Variants in GRIP1 observed in about 807,000 individuals in gnomAD.
GRIP1 encodes glutamate receptor-interacting protein 1.
A neutral mutation model predicts 129.9 loss-of-function variants in GRIP1; 45 were observed. The ratio of observed to expected loss-of-function variants is 0.35; its 90% CI spans 0.27 to 0.44. GRIP1 has a LOEUF of 0.44. Among genes scored for constraint, GRIP1 ranks in the 20% least tolerant of loss-of-function variants. The probability of loss-of-function intolerance (pLI) is 1.00; values close to 1 mark genes in which losing one functional copy is unlikely to be tolerated. For synonymous variants in GRIP1, 530 were observed against 520.8 expected, an observed-to-expected ratio of 1.02 and a Z score of -0.24; for missense variants, 1,196 against 1,396.8, an observed-to-expected ratio of 0.86 and a Z score of 2.29.
At chr12:66,880,558 C>A (rs941014956) in intron 1 of GRIP1, among the ~76,000 whole-genome samples, 1 of 152,000 alleles carries the variant, frequency 6.6e-6, no homozygotes, top group Non-Finnish European at 1.5e-5. Flanking sequence ...GTGATGGACT[C>A]TTTATTTATT....
intron 1 of GRIP1, among the ~76,000 whole-genome samples, chr12:66,622,058 T>A (rs2065290960): frequency 6.6e-6 from 1 of 152,182 alleles, no homozygotes; most frequent in South Asian, 2.1e-4. Context: ...TTTCATTCTG[T>A]CAATAATGTA....
chr12:66,470,412 C>G (rs1441906952), intron 7 of GRIP1, among the ~76,000 whole-genome samples: 1 of 147,542 alleles, frequency 6.8e-6, no homozygotes, highest in Non-Finnish European at 1.5e-5. Context: ...AATGCCCCAC[C>G]TCTTCCTGTC....
At chr12:67,042,965 A>G (rs1008948) in intron 1 of GRIP1, among the ~76,000 whole-genome samples, 36,607 of 152,178 alleles carry the variant, frequency 0.24, 4,921 homozygotes, top group Non-Finnish European at 0.29. Flanking sequence ...ACTTGTCCAC[A>G]TGATAGCACA....
chr12:66,580,814 C>G (rs1565882027), intron 2 of GRIP1, among the ~76,000 whole-genome samples: 1 of 151,508 alleles, frequency 6.6e-6, no homozygotes, highest in South Asian at 2.1e-4. Flanking sequence ...TAATGGGAGA[C>G]TTTAACACCC....
At chr12:66,411,014 C>G (rs1016441427) in intron 15 of GRIP1, among the ~76,000 whole-genome samples, 2 of 152,250 alleles carry the variant, frequency 1.3e-5, no homozygotes, top group Middle Eastern at 3.4e-3. Context: ...GATGGAGCCC[C>G]TTGCAGGAGG....
intron 1 of GRIP1, among the ~76,000 whole-genome samples, chr12:66,702,877 T>G (rs1303670032): frequency 1.3e-5 from 2 of 152,208 alleles, no homozygotes; most frequent in African/African-American, 4.8e-5. Context: ...AATATTATTT[T>G]AGACAATACT....
intron 1 of GRIP1, among the ~76,000 whole-genome samples, chr12:66,827,233 T>C (rs1365677291): frequency 6.6e-6 from 1 of 152,038 alleles, no homozygotes. Context: ...TGAGTTCTCA[T>C]CTGAAACTCA....
At chr12:66,452,782 T>C (rs3751276) in intron 11 of GRIP1, among the ~76,000 whole-genome samples, 35,032 of 152,056 alleles carry the variant, frequency 0.23, 4,518 homozygotes, top group Middle Eastern at 0.42. Context: ...TATTATCAGT[T>C]ATTTGGGAAG....
At chr12:66,369,373 C>T (rs2055351926) in intron 23 of GRIP1, among the ~76,000 whole-genome samples, 1 of 137,856 alleles carries the variant, frequency 7.3e-6, no homozygotes, top group African/African-American at 2.9e-5. Context: ...TTTAGCAGAG[C>T]CATTTTAAAC....
chr12:66,506,503 G>A (rs906035231), intron 7 of GRIP1, among the ~76,000 whole-genome samples: 1 of 152,094 alleles, frequency 6.6e-6, no homozygotes, highest in Non-Finnish European at 1.5e-5. Flanking sequence ...CTCTGGTTTA[G>A]GAAATCAAGA....
chr12:66,539,004 T>G, intron 4 of GRIP1, 74 bp downstream of exon 4: 1 of 1,226,410 alleles, frequency 8.2e-7, no homozygotes, highest in Middle Eastern at 1.9e-4. Context: ...GGTTTGGTAT[T>G]ATGAGCAGTT....
At chr12:66,822,120 A>G (rs1207861454) in intron 1 of GRIP1, among the ~76,000 whole-genome samples, 1 of 152,218 alleles carries the variant, frequency 6.6e-6, no homozygotes, top group Non-Finnish European at 1.5e-5. Flanking sequence ...GGAAGAAAGG[A>G]AAGAGCTGAC....
chr12:66,956,680 T>A lies in GRIP1; in HGVS notation c.58+112370A>T, dbSNP rs182370907. On this transcript the variant is annotated intron_variant, in intron 1 of 1. Coordinates refer to the GRIP1 transcript ENST00000643019. ...CTCCTTAAATTTTCTCCCAGGATGA[T>A]GTCCTATTTTCCCTGTCCCAGTGCT... Among the ~76,000 whole-genome samples, 449 of 152,300 alleles carry A rather than the reference T, an allele frequency of 2.9e-3. 4 individuals are homozygous for A. The highest frequency in any genetic ancestry group is 6.8e-3 in the Admixed American group (104 of 15,302).
At position 66,515,546 on chromosome 12, in the gene GRIP1, C is replaced by T. The variant is rs76314676; in HGVS notation, c.724+73G>A. 4.6e-3 allele frequency: 6,238 copies of T among 1,357,732 alleles called. 243 individuals carry two copies. In the African/African-American group the frequency reaches 0.081, roughly 18 times the overall value. 84.1% of individuals were successfully genotyped at this position (1,357,732 alleles called of 1,614,324 possible). On this transcript the variant is annotated intron_variant, in intron 7 of 24. Coordinates refer to ENST00000359742, the MANE Select transcript of GRIP1 (RefSeq NM_001366722.1). ...GAGGGCATGACAATACATACTTAAT[C>T]CAACATGGTTTATCAGGGACAGACA... is the stretch of plus-strand genomic sequence containing the variant.
intron 17 of GRIP1, among the ~76,000 whole-genome samples, chr12:66,393,845 A>G (rs1200502663): frequency 6.6e-6 from 1 of 152,204 alleles, no homozygotes; most frequent in African/African-American, 2.4e-5. Context: ...CTGTCAGGTA[A>G]CAGAGGCTCA....
intron 1 of GRIP1, among the ~76,000 whole-genome samples, chr12:66,773,013 G>A (rs1015314364): frequency 1.3e-5 from 2 of 152,156 alleles, no homozygotes; most frequent in African/African-American, 4.8e-5. Flanking sequence ...AAGCTGGAGT[G>A]CTTGTCTGTT....
At chr12:66,463,152 T>G (rs2059184858) in intron 8 of GRIP1, 59 bp from the exon 9 acceptor site, 1 of 1,301,102 alleles carries the variant, frequency 7.7e-7, no homozygotes, top group Non-Finnish European at 1.1e-6. Context: ...AATCTGACTT[T>G]CATGTCCTTC....
At chr12:66,641,857 T>C (rs1592690034) in intron 1 of GRIP1, among the ~76,000 whole-genome samples, 1 of 152,090 alleles carries the variant, frequency 6.6e-6, no homozygotes, top group Non-Finnish European at 1.5e-5. Flanking sequence ...ATATGCGAAG[T>C]AGAAATAAGC....
intron 1 of GRIP1, among the ~76,000 whole-genome samples, chr12:66,744,530 C>T (rs1043027739): frequency 5.9e-5 from 9 of 152,114 alleles, no homozygotes; most frequent in Admixed American, 1.3e-4. Context: ...GCATTCTGAC[C>T]GCCAAGATTT....
Sources: gnomAD v4.1 joint callset for allele counts (sites outside exome capture counted in the v4.1 genomes callset) on GRCh38, gnomAD v4.1.1 for gene constraint, MANE v1.5 for transcripts, NCBI Gene and HGNC (gene_info 2026-07-23, HGNC 2026-07-21) for gene names.